GRM8: variants seen among roughly 807,000 people sequenced by gnomAD.
The protein encoded by GRM8 is metabotropic glutamate receptor 8.
In GRM8, 47 loss-of-function variants were observed where a neutral mutation model predicts 87.2. That is an observed-to-expected ratio of 0.54 (90% confidence interval 0.43 to 0.69). The LOEUF (loss-of-function observed/expected upper bound fraction) is 0.69. Among genes scored for constraint, GRM8 ranks in the 30% least tolerant of loss-of-function variants. GRM8 has a pLI of 0.00. For synonymous variants in GRM8, 396 were observed against 404.5 expected (o/e 0.98, Z 0.25); for missense variants, 1,019 against 1,139.2 (o/e 0.89, Z 1.52).
intron 3 of GRM8, among the ~76,000 whole-genome samples, chr7:126,919,614 A>C (rs1804299126): frequency 6.6e-6 from 1 of 152,082 alleles, no homozygotes; most frequent in African/African-American, 2.4e-5. Flanking sequence ...GTTCAAAAAA[A>C]AAAAATGAAA....
At chr7:127,071,669 T>C (rs1350658339) in intron 3 of GRM8, among the ~76,000 whole-genome samples, 2 of 152,206 alleles carry the variant, frequency 1.3e-5, no homozygotes, top group African/African-American at 4.8e-5. Context: ...GGTCAGTTCA[T>C]AGATAATAGG....
At chr7:127,180,480 C>G (rs137869286) in intron 2 of GRM8, among the ~76,000 whole-genome samples, 61 of 152,092 alleles carry the variant, frequency 4.0e-4, no homozygotes, top group Middle Eastern at 3.4e-3. Context: ...AAGAAGGACT[C>G]CTCCTTAATT....
chr7:126,912,575 CTT>C (rs1413786783), intron 3 of GRM8, among the ~76,000 whole-genome samples: 1 of 152,210 alleles, frequency 6.6e-6, no homozygotes, highest in African/African-American at 2.4e-5. Flanking sequence ...AATCATCAGA[CTT>C]GGGCCACTCT....
chr7:127,073,957 A>T (rs1821994245), intron 3 of GRM8, among the ~76,000 whole-genome samples: 1 of 152,196 alleles, frequency 6.6e-6, no homozygotes, highest in South Asian at 2.1e-4. Context: ...ACATTAATCA[A>T]ACCTTAGGTA....
intron 7 of GRM8, among the ~76,000 whole-genome samples, chr7:126,630,873 C>A (rs1311254551): frequency 6.6e-6 from 1 of 152,066 alleles, no homozygotes; most frequent in African/African-American, 2.4e-5. Context: ...ATTGAAGGAA[C>A]ATGCCTCAAA....
intron 3 of GRM8, among the ~76,000 whole-genome samples, chr7:127,011,918 A>G (rs1814936612): frequency 6.6e-6 from 1 of 152,142 alleles, no homozygotes; most frequent in Admixed American, 6.6e-5. Context: ...CTTCCACACC[A>G]AAAAACTTGA....
At chr7:126,656,108 G>C (rs1243073706) in intron 7 of GRM8, among the ~76,000 whole-genome samples, 1 of 152,020 alleles carries the variant, frequency 6.6e-6, no homozygotes, top group Admixed American at 6.6e-5. Context: ...GGAAGAGTGG[G>C]GTTACAAATT....
At chr7:126,678,737 G>A (rs1034111661) in intron 7 of GRM8, among the ~76,000 whole-genome samples, 64 of 152,154 alleles carry the variant, frequency 4.2e-4, no homozygotes, top group Middle Eastern at 3.4e-3. Context: ...TCCAGGTTGC[G>A]GTGACAGTTG....
chr7:126,787,505 C>CT (rs1302656950), intron 6 of GRM8, among the ~76,000 whole-genome samples: 1 of 152,114 alleles, frequency 6.6e-6, no homozygotes, highest in African/African-American at 2.4e-5. Context: ...AATGAAAAGT[C>CT]TTTCTTCAAA....
At chr7:126,892,826 A>C (rs1471579938) in intron 6 of GRM8, among the ~76,000 whole-genome samples, 1 of 152,110 alleles carries the variant, frequency 6.6e-6, no homozygotes, top group Non-Finnish European at 1.5e-5. Context: ...AATGACTGCC[A>C]TTCTAACTGG....
intron 7 of GRM8, among the ~76,000 whole-genome samples, chr7:126,621,450 T>C (rs1800163717): frequency 6.6e-6 from 1 of 152,140 alleles, no homozygotes; most frequent in African/African-American, 2.4e-5. Context: ...TGAAGTCTTG[T>C]CTCTGTCCTC....
intron 6 of GRM8, among the ~76,000 whole-genome samples, chr7:126,845,613 A>G (rs767677814): frequency 6.6e-5 from 10 of 152,226 alleles, no homozygotes; most frequent in Admixed American, 1.3e-4. Context: ...ATCTCATACC[A>G]ATAGCAAGGC....
chr7:127,206,839 C>G (rs1795942333), intron 2 of GRM8, among the ~76,000 whole-genome samples: 1 of 152,196 alleles, frequency 6.6e-6, no homozygotes, highest in Admixed American at 6.5e-5. Flanking sequence ...TCGGACATTC[C>G]TAGAAGACTT....
At chr7:126,469,777 T>A (rs1417740998) in intron 9 of GRM8, among the ~76,000 whole-genome samples, 1 of 152,146 alleles carries the variant, frequency 6.6e-6, no homozygotes. Flanking sequence ...TATGTCTTCA[T>A]TAGCAGTGTA....
intron 3 of GRM8, among the ~76,000 whole-genome samples, chr7:127,043,870 T>C (rs1818676492): frequency 6.6e-6 from 1 of 152,198 alleles, no homozygotes; most frequent in South Asian, 2.1e-4. Context: ...AATGGACTTC[T>C]GAAAGAACAA....
rs1281521139 is a variant in GRM8, at chr7:126,533,219, G to C, written c.2163C>G (p.Ile721Met). Residue 721 changes from isoleucine to methionine, a missense_variant, in exon 9 of 11, where the codon ATC (isoleucine) becomes ATG (methionine). By Grantham distance (10) the Ile-to-Met change is conservative (BLOSUM62 1). Transcript: ENST00000339582. Reference protein sequence around the residue: ...FVWFVVDPPHIIIDYGEQRTL... With the variant: ...FVWFVVDPPHMIIDYGEQRTL... ...TCCGCTGCTCTCCATAGTCAATGAT[G>C]ATGTGGGGGGGATCCACAACAAACC... 1 of 1,613,212 alleles carries C rather than the reference G, an allele frequency of 6.2e-7. No individual in the cohort carries two copies. The highest frequency in any genetic ancestry group is 1.3e-5 in the African/African-American group (1 of 74,726).
chr7:126,711,952 T>C (rs1280165752), intron 7 of GRM8, among the ~76,000 whole-genome samples: 1 of 152,218 alleles, frequency 6.6e-6, no homozygotes, highest in Admixed American at 6.5e-5. Context: ...GAATCAAAAC[T>C]TTATAAGCAA....
chr7:126,764,745 T>C (rs1818005630), intron 7 of GRM8, among the ~76,000 whole-genome samples: 1 of 152,106 alleles, frequency 6.6e-6, no homozygotes, highest in South Asian at 2.1e-4. Context: ...TTTCTTCCTC[T>C]TGGTGTCAGA....
chr7:127,088,302 C>A lies in GRM8; in HGVS notation c.727+18194G>T, dbSNP rs530368893. On this transcript the variant is annotated intron_variant, in intron 3 of 10. Coordinates refer to ENST00000339582, the MANE Select transcript of GRM8 (RefSeq NM_000845.3). ...ACTAATGTGTAGGTAGATGTGGTTC[C>A]TCTCAATAACCATGAAGGCCCTGGG... 2.6e-5 allele frequency among the ~76,000 whole-genome samples: 4 copies of A among 152,252 alleles called. No homozygotes were observed. The East Asian group carries it at 7.7e-4, about 29-fold the overall frequency.
Sources: gnomAD v4.1 joint callset for allele counts (sites outside exome capture counted in the v4.1 genomes callset) on GRCh38, gnomAD v4.1.1 for gene constraint, MANE v1.5 for transcripts, NCBI Gene and HGNC (gene_info 2026-07-23, HGNC 2026-07-21) for gene names.